Variants in EPS8 observed in about 807,000 individuals in gnomAD.
The protein encoded by EPS8 is epidermal growth factor receptor kinase substrate 8.
In EPS8, 42 loss-of-function variants were observed where a neutral mutation model predicts 103.8. The observed-to-expected ratio is 0.40, with a 90% CI of 0.32 to 0.52. EPS8 has a LOEUF of 0.52. EPS8 is among the 20% of genes least tolerant of loss of function. The pLI, the probability that EPS8 is intolerant of heterozygous loss-of-function variation, is 0.40. For missense variants in EPS8, 969 were observed against 1,005.1 expected (o/e 0.96, Z 0.49); for synonymous variants, 344 against 344.6 (o/e 1.00, Z 0.02).
chr12:15,726,554 T>C (rs886808888), intron 1 of EPS8, among the ~76,000 whole-genome samples: 2 of 152,140 alleles, frequency 1.3e-5, no homozygotes, highest in Non-Finnish European at 2.9e-5. Flanking sequence ...CTGATGTCTG[T>C]GTGGTGACAG....
rs1946769207 is a variant in EPS8, at chr12:15,736,593, G to A, written c.-22+52568C>T. On this transcript the variant is annotated intron_variant, in intron 1 of 20. Transcript: ENST00000281172. The surrounding 1 kb of genome is among the most constrained non-coding windows in gnomAD (Gnocchi z 4.2). ...TTAATAAATCTTTCTTTTTCTATAG[G>A]TTCTAATGAAGTTAGTAAGCAAATC... 6.6e-6 allele frequency among the ~76,000 whole-genome samples: 1 copy of A among 152,082 alleles called. No homozygotes were observed. Among genetic ancestry groups the A allele is most frequent in the African/African-American group, 2.4e-5 (1 of 41,392 alleles).
At position 15,658,590 on chromosome 12, in the gene EPS8, T is replaced by C; in HGVS notation, c.938-5A>G. ...CCCGCAGCGTTAAAACACCCTCTAA[T>C]GAAATAAGCGAGAGGAGAGGATCAG... On this transcript the variant is annotated splice_region_variant and splice_polypyrimidine_tract_variant and intron_variant, in intron 10 of 20. Transcript: ENST00000281172. 1 of 1,599,628 alleles carries C rather than the reference T, an allele frequency of 6.3e-7. No homozygotes were observed. The highest frequency in any genetic ancestry group is 1.1e-5 in the South Asian group (1 of 90,628).
At position 15,771,761 on chromosome 12, in the gene EPS8, G is replaced by A. The variant is rs1591933332; in HGVS notation, c.-22+17400C>T. Among the ~76,000 whole-genome samples, 1 of 152,042 alleles carries A rather than the reference G, an allele frequency of 6.6e-6. No homozygotes were observed. Among genetic ancestry groups the A allele is most frequent in the South Asian group, 2.1e-4 (1 of 4,818 alleles). On this transcript the variant is annotated intron_variant, in intron 1 of 20. Transcript: ENST00000281172. The surrounding 1 kb of genome is among the most constrained non-coding windows in gnomAD (Gnocchi z 4.6). ...AAGAAAAGAAATTCTTCCTAGAACTGAACTATTTTTGTGGCTAACTCATTA... is the reference window on the plus strand; with the variant it reads ...AAGAAAAGAAATTCTTCCTAGAACTAAACTATTTTTGTGGCTAACTCATTA...
rs547472501 is a variant in EPS8, at chr12:15,784,277, G to T, written c.-22+4884C>A. Among the ~76,000 whole-genome samples, 4 of 152,152 alleles carry T rather than the reference G, an allele frequency of 2.6e-5. No homozygotes were observed. The East Asian group carries it at 7.7e-4, about 29-fold the overall frequency. On this transcript the variant is annotated intron_variant, in intron 1 of 20. Coordinates refer to ENST00000281172, the MANE Select transcript of EPS8 (RefSeq NM_004447.6). This position sits in a 1 kb window ranked among gnomAD's most constrained non-coding sequence, Gnocchi z 4.0. ...AGTGCCTGTATACAAAATGTATAAA[G>T]AACTCTTAAAATCAACAATAAGAAA...
At chr12:15,755,290 A>T (rs1282399452) in intron 1 of EPS8, among the ~76,000 whole-genome samples, 2 of 152,182 alleles carry the variant, frequency 1.3e-5, no homozygotes, top group Non-Finnish European at 2.9e-5. Context: ...TTTTTTCTTG[A>T]CATGAAATCT....
chr12:15,647,541 C>T (rs534235657), intron 14 of EPS8, among the ~76,000 whole-genome samples: 1 of 152,120 alleles, frequency 6.6e-6, no homozygotes, highest in Non-Finnish European at 1.5e-5. Context: ...TCAACTGAAC[C>T]CTATGCATTA....
At position 15,769,512 on chromosome 12, in the gene EPS8, C is replaced by T. The variant is rs1198506293; in HGVS notation, c.-22+19649G>A. ...TTGGAAAAATTACACAAATATAAGA[C>T]GCTCTTGTTGGCAAATATTAAGAAA... On this transcript the variant is annotated intron_variant, in intron 1 of 20. Transcript: ENST00000281172. The surrounding 1 kb of genome is among the most constrained non-coding windows in gnomAD (Gnocchi z 4.6). Among the ~76,000 whole-genome samples the T allele has an allele frequency of 2.0e-5, 3 of 152,066 alleles. No homozygotes were observed. The highest frequency in any genetic ancestry group is 6.6e-5 in the Admixed American group (1 of 15,254).
At chr12:15,683,126 G>C (rs1442688803) in intron 1 of EPS8, 154 bp from the exon 2 acceptor site, 5 of 477,558 alleles carry the variant, frequency 1.0e-5, no homozygotes, top group African/African-American at 4.1e-5. Flanking sequence ...TCAGGCCCCA[G>C]AGGTATAGAT....
At chr12:15,627,942 C>T (rs1368798361) in intron 18 of EPS8, among the ~76,000 whole-genome samples, 1 of 152,020 alleles carries the variant, frequency 6.6e-6, no homozygotes. Flanking sequence ...ATGATTTTTC[C>T]CCCCTAGGGA....
intron 1 of EPS8, among the ~76,000 whole-genome samples, chr12:15,786,683 A>T (rs1947315011): frequency 6.6e-6 from 1 of 152,124 alleles, no homozygotes; most frequent in African/African-American, 2.4e-5. Flanking sequence ...TTTAAATCCC[A>T]TTTAGGAATA....
At chr12:15,673,134 A>G (rs1565492897) in intron 3 of EPS8, among the ~76,000 whole-genome samples, 1 of 152,214 alleles carries the variant, frequency 6.6e-6, no homozygotes, top group Non-Finnish European at 1.5e-5. Flanking sequence ...AGCATTTTAA[A>G]CAGTATGACA....
At chr12:15,711,865 T>C (rs1350088265) in intron 1 of EPS8, among the ~76,000 whole-genome samples, 1 of 152,178 alleles carries the variant, frequency 6.6e-6, no homozygotes, top group Non-Finnish European at 1.5e-5. Context: ...GCCATAACCA[T>C]GGCACCTAAA....
intron 1 of EPS8, among the ~76,000 whole-genome samples, chr12:15,758,827 G>GAAGT (rs1442469208): frequency 6.6e-6 from 1 of 152,184 alleles, no homozygotes; most frequent in Non-Finnish European, 1.5e-5. Flanking sequence ...AATCAGTGAT[G>GAAGT]AAGTGCCTTA....
chr12:15,701,112 A>G lies in EPS8; in HGVS notation c.-21-18140T>C, dbSNP rs1009032333. Reference sequence around the variant, plus strand: ...ATTAACTAATATCTTTGGCTTCAAAATAGTCACTTTTTTAAAAGGTAATTC... The same window carrying G: ...ATTAACTAATATCTTTGGCTTCAAAGTAGTCACTTTTTTAAAAGGTAATTC... On this transcript the variant is annotated intron_variant, in intron 1 of 20. Coordinates refer to ENST00000281172, the MANE Select transcript of EPS8 (RefSeq NM_004447.6). This position sits in a 1 kb window ranked among gnomAD's most constrained non-coding sequence, Gnocchi z 5.1. Among the ~76,000 whole-genome samples the G allele has an allele frequency of 4.6e-5, 7 of 152,216 alleles. No individual in the cohort carries two copies. The highest frequency in any genetic ancestry group is 1.4e-4 in the African/African-American group (6 of 41,462).
chr12:15,680,006 T>C (rs1945976910), intron 3 of EPS8, among the ~76,000 whole-genome samples: 1 of 152,182 alleles, frequency 6.6e-6, no homozygotes, highest in African/African-American at 2.4e-5. Flanking sequence ...CACATATTAA[T>C]GACAAAATAT....
chr12:15,658,257 G>A, intron 11 of EPS8, 104 bp from the exon 12 acceptor site: 1 of 752,922 alleles, frequency 1.3e-6, no homozygotes, highest in South Asian at 1.6e-5. Context: ...ACCAGATTCA[G>A]TTTTAATATA....
intron 13 of EPS8, among the ~76,000 whole-genome samples, chr12:15,651,796 T>G (rs1945419792): frequency 6.6e-6 from 1 of 152,216 alleles, no homozygotes; most frequent in African/African-American, 2.4e-5. Flanking sequence ...TGTTATAGAC[T>G]TTCATGGTTC....
chr12:15,724,792 GC>G (rs1256884846), intron 1 of EPS8, among the ~76,000 whole-genome samples: 1 of 152,086 alleles, frequency 6.6e-6, no homozygotes, highest in Non-Finnish European at 1.5e-5. Flanking sequence ...TGTAAGACAT[GC>G]CTTTCACCTT....
chr12:15,646,981 C>G, intron 15 of EPS8, 146 bp downstream of exon 15: 1 of 727,746 alleles, frequency 1.4e-6, no homozygotes, highest in Non-Finnish European at 2.1e-6. Context: ...AACCAGTTCT[C>G]TAAAGGAACA....
Sources: gnomAD v4.1 joint callset for allele counts (sites outside exome capture counted in the v4.1 genomes callset) on GRCh38, gnomAD v4.1.1 for gene constraint, Gnocchi (gnomAD v3.1) non-coding constraint, MANE v1.5 for transcripts, NCBI Gene and HGNC (gene_info 2026-07-23, HGNC 2026-07-21) for gene names.